Variants in EVA1C observed in about 807,000 individuals in gnomAD.
The protein encoded by EVA1C is eva-1 homolog C.
Under a neutral mutation model 45.4 loss-of-function variants are expected in EVA1C, and 25 were observed. The ratio of observed to expected loss-of-function variants is 0.55; its 90% CI spans 0.40 to 0.77. The LOEUF is 0.77. EVA1C is among the 30% of genes least tolerant of loss of function. The pLI is 0.00. For missense variants in EVA1C, 479 were observed against 554.8 expected, an observed-to-expected ratio of 0.86 and a Z score of 1.37; for synonymous variants, 190 against 221.2, an observed-to-expected ratio of 0.86 and a Z score of 1.25.
intron 3 of EVA1C, 54 bp downstream of exon 3, chr21:32,457,774 C>T: frequency 6.2e-7 from 1 of 1,604,852 alleles, no homozygotes; most frequent in Non-Finnish European, 8.5e-7. Flanking sequence ...TCGTTTCCTT[C>T]ACACTCCTGG....
intron 1 of EVA1C, among the ~76,000 whole-genome samples, chr21:32,420,113 C>G (rs888687877): frequency 3.3e-5 from 5 of 152,134 alleles, no homozygotes; most frequent in Admixed American, 2.0e-4. Flanking sequence ...CTTGGTTTCC[C>G]TCAGTATGAG....
intron 4 of EVA1C, among the ~76,000 whole-genome samples, chr21:32,494,334 T>C (rs1283458759): frequency 1.3e-5 from 2 of 152,254 alleles, no homozygotes; most frequent in Non-Finnish European, 2.9e-5. Flanking sequence ...CTGGAGCTTA[T>C]GTTCATGTAG....
upstream of EVA1C, chr21:32,411,902 C>G (rs2033838326): frequency 6.6e-6 from 1 of 152,386 alleles, no homozygotes; most frequent in East Asian, 1.9e-4. Context: ...ACTGGCTGGG[C>G]GTCCGAACGT....
At chr21:32,490,829 T>C (rs897181140) in intron 4 of EVA1C, among the ~76,000 whole-genome samples, 2 of 152,210 alleles carry the variant, frequency 1.3e-5, no homozygotes, top group Non-Finnish European at 2.9e-5. Context: ...TTTCTTCCCG[T>C]GAGCAGCTAG....
intron 1 of EVA1C, among the ~76,000 whole-genome samples, chr21:32,447,807 G>C (rs2035419576): frequency 6.6e-6 from 1 of 152,182 alleles, no homozygotes; most frequent in African/African-American, 2.4e-5. Flanking sequence ...CCAGATTCAA[G>C]TGATTCACCT....
At chr21:32,490,336 T>C (rs552116402) in intron 4 of EVA1C, among the ~76,000 whole-genome samples, 1 of 152,324 alleles carries the variant, frequency 6.6e-6, no homozygotes, top group Non-Finnish European at 1.5e-5. Flanking sequence ...TATTTGTCTT[T>C]TTGTGACTGG....
chr21:32,463,651 T>C (rs907140088), intron 3 of EVA1C, among the ~76,000 whole-genome samples: 1 of 152,118 alleles, frequency 6.6e-6, no homozygotes, highest in Admixed American at 6.5e-5. Flanking sequence ...TTTGTTGGCA[T>C]CAAGGCTACC....
At chr21:32,417,263 T>C (rs1038048178) in intron 1 of EVA1C, among the ~76,000 whole-genome samples, 1 of 152,356 alleles carries the variant, frequency 6.6e-6, no homozygotes, top group South Asian at 2.1e-4. Flanking sequence ...ACAAGGAACA[T>C]TTATTTTATC....
chr21:32,462,221 T>TAAAAAAA (rs769281297), intron 3 of EVA1C, among the ~76,000 whole-genome samples: 2 of 106,340 alleles, frequency 1.9e-5, no homozygotes, highest in Admixed American at 9.8e-5. Context: ...CCCCTATCTC[T>TAAAAAAA]AAAAAAAAAA....
At chr21:32,478,314 G>A (rs1293517058) in intron 4 of EVA1C, among the ~76,000 whole-genome samples, 4 of 152,050 alleles carry the variant, frequency 2.6e-5, no homozygotes, top group Non-Finnish European at 5.9e-5. Flanking sequence ...CGCCTCCCAG[G>A]TTCAAGCAAT....
chr21:32,440,801 T>C (rs1418540068), intron 1 of EVA1C, among the ~76,000 whole-genome samples: 1 of 152,196 alleles, frequency 6.6e-6, no homozygotes, highest in Non-Finnish European at 1.5e-5. Context: ...GTGTCATTCA[T>C]TCAAGAGCTG....
intron 3 of EVA1C, among the ~76,000 whole-genome samples, chr21:32,458,442 G>C (rs1432186032): frequency 6.6e-6 from 1 of 151,466 alleles, no homozygotes; most frequent in Non-Finnish European, 1.5e-5. Flanking sequence ...GCAAAGAAAC[G>C]ATAGCAGTGT....
chr21:32,512,322 ATTATGGG>A (rs1242137546), intron 7 of EVA1C, among the ~76,000 whole-genome samples: 1 of 152,178 alleles, frequency 6.6e-6, no homozygotes, highest in Non-Finnish European at 1.5e-5. Context: ...TGTCCTAAGG[ATTATGGG>A]TAATTTAATT....
At chr21:32,461,537 G>C (rs1402306695) in intron 3 of EVA1C, among the ~76,000 whole-genome samples, 1 of 152,164 alleles carries the variant, frequency 6.6e-6, no homozygotes, top group Non-Finnish European at 1.5e-5. Context: ...GTCTGAGCAG[G>C]ACACTGTGAT....
chr21:32,454,387 T>C (rs1056010088), intron 2 of EVA1C, among the ~76,000 whole-genome samples: 3 of 152,208 alleles, frequency 2.0e-5, no homozygotes, highest in Non-Finnish European at 4.4e-5. Flanking sequence ...TACTACATAG[T>C]ACCAGGAATT....
chr21:32,421,156 A>G (rs550158642), intron 1 of EVA1C, among the ~76,000 whole-genome samples: 1 of 75,412 alleles, frequency 1.3e-5, no homozygotes, highest in Admixed American at 1.3e-4. Flanking sequence ...TTTAATGTAT[A>G]AATGAGTGGT....
At chr21:32,513,028 C>A (rs2038008838) in intron 7 of EVA1C, among the ~76,000 whole-genome samples, 1 of 150,362 alleles carries the variant, frequency 6.7e-6, no homozygotes, top group South Asian at 2.1e-4. Context: ...ATAATACTTA[C>A]AATAATATAA....
intron 5 of EVA1C, among the ~76,000 whole-genome samples, chr21:32,499,547 G>A (rs998036245): frequency 2.0e-5 from 3 of 152,218 alleles, no homozygotes; most frequent in Non-Finnish European, 2.9e-5. Context: ...TCCGGTGGTT[G>A]TTGATCCTGG....
intron 4 of EVA1C, among the ~76,000 whole-genome samples, chr21:32,470,951 G>A (rs1430530953): frequency 6.6e-6 from 1 of 151,874 alleles, no homozygotes; most frequent in Non-Finnish European, 1.5e-5. Context: ...TAGAGACGGG[G>A]TTGCACTGTG....
Sources: gnomAD v4.1 joint callset for allele counts (sites outside exome capture counted in the v4.1 genomes callset) on GRCh38, gnomAD v4.1.1 for gene constraint, MANE v1.5 for transcripts, NCBI Gene and HGNC (gene_info 2026-07-23, HGNC 2026-07-21) for gene names.